The following USH2A variants were observed in gnomAD, a reference collection of about 807,000 sequenced individuals.
The protein encoded by USH2A is Usher syndrome 2A (autosomal recessive, mild).
Under a neutral mutation model 538.9 loss-of-function variants are expected in USH2A, and 443 were observed. The ratio of observed to expected loss-of-function variants is 0.82; its 90% CI spans 0.76 to 0.89. The LOEUF (loss-of-function observed/expected upper bound fraction) is 0.89, where lower values mean the gene tolerates loss of function less well. Among genes scored for constraint, USH2A ranks in the 40% least tolerant of loss-of-function variants. USH2A has a pLI of 0.00. For synonymous variants in USH2A, 2,413 were observed against 2,273.5 expected, an observed-to-expected ratio of 1.06 and a Z score of -1.75; for missense variants, 6,633 against 6,324.8, an observed-to-expected ratio of 1.05 and a Z score of -1.65.
intron 38 of USH2A, among the ~76,000 whole-genome samples, chr1:215,912,479 A>ATATG (rs1665821198): frequency 3.1e-5 from 1 of 31,766 alleles, no homozygotes; most frequent in African/African-American, 1.6e-4. Context: ...ATATATACGT[A>ATATG]TATATATATA....
intron 32 of USH2A, among the ~76,000 whole-genome samples, chr1:216,042,144 A>G (rs1349253008): frequency 6.6e-6 from 1 of 152,070 alleles, no homozygotes; most frequent in Non-Finnish European, 1.5e-5. Context: ...AAATATTTTT[A>G]CAAAAATGTT....
chr1:215,868,666 T>A (rs1390426354), intron 43 of USH2A, among the ~76,000 whole-genome samples: 2 of 152,076 alleles, frequency 1.3e-5, no homozygotes, highest in Admixed American at 1.3e-4. Flanking sequence ...TAAGATGAGG[T>A]CATACTGGAT....
intron 35 of USH2A, among the ~76,000 whole-genome samples, chr1:215,976,984 GT>G (rs56872387): frequency 7.3e-4 from 105 of 144,436 alleles, no homozygotes; most frequent in African/African-American, 1.8e-3. Context: ...ACCTGGTCCA[GT>G]TTTTTTTTTT....
chr1:216,183,285 G>A lies in USH2A; in HGVS notation c.4396+6938C>T, dbSNP rs368418546. Among the ~76,000 whole-genome samples the A allele has an allele frequency of 1.3e-4, 20 of 151,740 alleles. 1 individual carries two copies. Among genetic ancestry groups the A allele is most frequent in the Admixed American group, 5.3e-4 (8 of 15,206 alleles). ...TGGATCGAGTGTGCCAACAAGCACC[G>A]ATTTGGTTCTTATAATGCCTCCAGC... is the stretch of plus-strand genomic sequence containing the variant. On this transcript the variant is annotated intron_variant, in intron 20 of 71. Coordinates refer to ENST00000307340, the MANE Select transcript of USH2A (RefSeq NM_206933.4).
intron 4 of USH2A, among the ~76,000 whole-genome samples, chr1:216,351,814 C>T (rs1258125529): frequency 6.6e-6 from 1 of 151,100 alleles, no homozygotes; most frequent in African/African-American, 2.4e-5. Context: ...TATTTTGATT[C>T]TAACACCAAC....
intron 13 of USH2A, among the ~76,000 whole-genome samples, chr1:216,240,403 C>T (rs900305457): frequency 1.3e-5 from 2 of 151,646 alleles, no homozygotes; most frequent in African/African-American, 4.8e-5. Flanking sequence ...GAACATGAGT[C>T]TAGATGTTGC....
intron 43 of USH2A, among the ~76,000 whole-genome samples, chr1:215,876,258 T>C (rs1664766778): frequency 6.6e-6 from 1 of 152,178 alleles, no homozygotes; most frequent in South Asian, 2.1e-4. Context: ...TTGACCAATC[T>C]TCACCTATAA....
At position 216,242,159 on chromosome 1, in the gene USH2A, G is replaced by C. The variant is rs549541270; in HGVS notation, c.2809+4426C>G. ...GAAGTCAGGAGATCGAGACCATCCT[G>C]GCTAACACGGTGAAACCCCATCTCT... On this transcript the variant is annotated intron_variant, in intron 13 of 71. Coordinates refer to ENST00000307340, the MANE Select transcript of USH2A (RefSeq NM_206933.4). Among the ~76,000 whole-genome samples the C allele has an allele frequency of 5.4e-5, 8 of 149,042 alleles. No homozygotes were observed. The East Asian group carries it at 1.6e-3, about 30-fold the overall frequency.
chr1:216,206,542 G>C (rs183900331), intron 16 of USH2A, among the ~76,000 whole-genome samples: 2 of 152,206 alleles, frequency 1.3e-5, no homozygotes, highest in East Asian at 3.9e-4. Context: ...TAATGTCGCC[G>C]GCCTGCTGCT....
intron 14 of USH2A, among the ~76,000 whole-genome samples, chr1:216,220,250 A>G (rs950468771): frequency 6.6e-6 from 1 of 152,018 alleles, no homozygotes; most frequent in African/African-American, 2.4e-5. Context: ...GCCTCAGCTC[A>G]TGGGTACTAT....
chr1:216,053,340 TATG>T (rs1479261187), intron 30 of USH2A, among the ~76,000 whole-genome samples: 1 of 152,208 alleles, frequency 6.6e-6, no homozygotes, highest in Non-Finnish European at 1.5e-5. Flanking sequence ...AGTTGCCTTT[TATG>T]ATACTTGTGA....
chr1:216,250,117 C>T (rs1396707180), intron 12 of USH2A, among the ~76,000 whole-genome samples: 7 of 152,068 alleles, frequency 4.6e-5, no homozygotes, highest in Non-Finnish European at 5.9e-5. Flanking sequence ...TTTCAAAGTG[C>T]ATTATGAACA....
chr1:216,325,418 AAGAG>A lies in USH2A; in HGVS notation c.1026_1029del (p.Ser343LeufsTer26), dbSNP rs1458938381. Reference sequence around the variant, plus strand: ...GTACCAACATCATTATCATTGACAAAAGAGAGAGGATGGGCTTCAGGATTCAACC... The same window carrying A: ...GTACCAACATCATTATCATTGACAAAAGAGGATGGGCTTCAGGATTCAACC... On this transcript the variant is annotated frameshift_variant, in exon 6 of 72. Transcript: ENST00000307340. LOFTEE classifies it high-confidence loss of function. 6.2e-7 allele frequency: 1 copy of A among 1,613,932 alleles called. No individual in the cohort carries two copies. Among genetic ancestry groups the A allele is most frequent in the African/African-American group, 1.3e-5 (1 of 75,024 alleles).
intron 32 of USH2A, among the ~76,000 whole-genome samples, chr1:216,036,116 T>C (rs1558224073): frequency 6.6e-6 from 1 of 152,116 alleles, no homozygotes; most frequent in East Asian, 1.9e-4. Flanking sequence ...TGGTATTGGC[T>C]AGAAGGAAAT....
chr1:215,839,474 C>A (rs768960836), intron 46 of USH2A, among the ~76,000 whole-genome samples: 5 of 152,164 alleles, frequency 3.3e-5, no homozygotes, highest in Admixed American at 6.5e-5. Flanking sequence ...AGTTGTTCTC[C>A]ACTGTACCCT....
chr1:216,079,151 T>C (rs537616966), intron 26 of USH2A: 1 of 152,290 alleles, frequency 6.6e-6, no homozygotes, highest in South Asian at 2.1e-4. Flanking sequence ...TCATGCCAGA[T>C]AAAAATTATG....
At chr1:215,926,917 T>C (rs1334107053) in intron 38 of USH2A, among the ~76,000 whole-genome samples, 1 of 152,088 alleles carries the variant, frequency 6.6e-6, no homozygotes, top group East Asian at 1.9e-4. Flanking sequence ...CTTACCTACC[T>C]ATTCTTATCT....
At chr1:216,374,212 C>T (rs898171412) in intron 3 of USH2A, among the ~76,000 whole-genome samples, 1 of 151,350 alleles carries the variant, frequency 6.6e-6, no homozygotes, top group Non-Finnish European at 1.5e-5. Flanking sequence ...ATGTAACAAG[C>T]CTGCACATTG....
chr1:216,416,157 ACT>A (rs553107233), intron 3 of USH2A, among the ~76,000 whole-genome samples: 3 of 151,984 alleles, frequency 2.0e-5, no homozygotes, highest in South Asian at 4.1e-4. Flanking sequence ...CAAGGGAGAA[ACT>A]CTGTCTCAAA....
Sources: allele counts gnomAD v4.1 joint callset (sites outside exome capture counted in the v4.1 genomes callset), GRCh38; gene constraint gnomAD v4.1.1; transcripts MANE v1.5; gene names NCBI Gene and HGNC (gene_info 2026-07-23, HGNC 2026-07-21).